The following PNRC2 variants were observed in gnomAD, a reference collection of about 807,000 sequenced individuals.
The protein encoded by PNRC2 is proline-rich nuclear receptor coactivator 2.
A neutral mutation model predicts 12.2 loss-of-function variants in PNRC2; 2 were observed. The observed-to-expected ratio is 0.16, with a 90% confidence interval of 0.07 to 0.52. The LOEUF (loss-of-function observed/expected upper bound fraction) is 0.52. Among genes scored for constraint, PNRC2 ranks in the 20% least tolerant of loss-of-function variants. PNRC2 has a pLI of 0.95. For synonymous variants in PNRC2, 44 were observed against 53.9 expected, an observed-to-expected ratio of 0.82 and a Z score of 0.80; for missense variants, 115 against 158.4, an observed-to-expected ratio of 0.73 and a Z score of 1.47.
chr1:23,961,249 TAAC>T (rs1641270522), intron 2 of PNRC2, 115 bp downstream of exon 2: 1 of 473,148 alleles, frequency 2.1e-6, no homozygotes, highest in Non-Finnish European at 3.8e-6. Context: ...AGGGAAGGTA[TAAC>T]AATAAAGGTT....
rs1266331116 is a variant in PNRC2 at position 23,961,693 on chromosome 1, C to T, written c.236C>T (p.Ser79Leu). Residue 79 changes from serine to leucine, a missense_variant, in exon 3 of 3, where the codon TCA becomes TTA. Ser to Leu is a moderately radical substitution (Grantham distance 145). Transcript: ENST00000334351. ...AATCAAAGTTGGAATTCTAGCTTAT[C>T]AGGTCCCAGGTTACTTTTTAAATCT... ...PNNQSWNSSLSGPRLLFKSQA... is the reference protein window; with the variant it reads ...PNNQSWNSSLLGPRLLFKSQA... 2.5e-6 allele frequency: 4 copies of T among 1,614,026 alleles called. No individual in the cohort carries two copies. Among genetic ancestry groups the T allele is most frequent in the South Asian group, 1.1e-5 (1 of 91,080 alleles).
At position 23,961,587 on chromosome 1, in the gene PNRC2, G is replaced by GA. The variant is rs1641277336; in HGVS notation, c.133dup (p.Arg45LysfsTer6). On this transcript the variant is annotated frameshift_variant, in exon 3 of 3. Transcript: ENST00000334351. LOFTEE classifies it high-confidence loss of function. ...GATGAAGATTGTTCATAAGAAAAAA[G>GA]AAAGAGGACATGGTTATAACTCATC... 1.2e-6 allele frequency: 2 copies of GA among 1,613,900 alleles called. No homozygotes were observed. Among genetic ancestry groups the GA allele is most frequent in the Non-Finnish European group, 1.7e-6 (2 of 1,179,804 alleles).
chr1:23,962,613 G>A lies in PNRC2; in HGVS notation c.*736G>A, dbSNP rs1261669901. The A allele has an allele frequency of 1.3e-4, 22 of 167,166 alleles. No homozygotes were observed. The highest frequency in any genetic ancestry group is 5.3e-4 in the African/African-American group (22 of 41,552). 10.4% of individuals were successfully genotyped at this position (167,166 alleles called of 1,614,324 possible). On this transcript the variant is annotated 3_prime_UTR_variant, in exon 3 of 3. Coordinates refer to ENST00000334351, the MANE Select transcript of PNRC2 (RefSeq NM_017761.4). ...CTTGCTTTGGGGAGTTGGATAATGT[G>A]AAAATTTTAAGTACCTAGGGGAGAA...
chr1:23,960,426 T>G (rs1436891676), intron 1 of PNRC2, among the ~76,000 whole-genome samples: 1 of 152,144 alleles, frequency 6.6e-6, no homozygotes. Flanking sequence ...TTAGGGCTTG[T>G]GAGAACTTAT....
In PNRC2 at chr1:23,962,214, G is replaced by C. The variant is rs1336575423; in HGVS notation, c.*337G>C. ...TGAAAGTTGGTGAATCGGATTATAA[G>C]CTTCTAGCTAACACAAGGATTCAGA... On this transcript the variant is annotated 3_prime_UTR_variant, in exon 3 of 3. Coordinates refer to ENST00000334351, the MANE Select transcript of PNRC2 (RefSeq NM_017761.4). 1 of 200,670 alleles carries C rather than the reference G, an allele frequency of 5.0e-6. No individual in the cohort carries two copies. The highest frequency in any genetic ancestry group is 2.4e-5 in the African/African-American group (1 of 42,220). 12.4% of individuals were successfully genotyped at this position (200,670 alleles called of 1,614,324 possible).
Position 23,960,952 on chromosome 1 carries a change from T to G in PNRC2, c.-201T>G, listed in dbSNP as rs1641266410. On this transcript the variant is annotated 5_prime_UTR_variant, in exon 2 of 3. Coordinates refer to ENST00000334351, the MANE Select transcript of PNRC2 (RefSeq NM_017761.4). ...AGCTAGGACTTCTCTCAAACTTGTG[T>G]GCTGAGGAGACTCAGATGTTGGCCT... 2 of 399,240 alleles carry G rather than the reference T, an allele frequency of 5.0e-6. No homozygotes were observed. Among genetic ancestry groups the G allele is most frequent in the South Asian group, 2.5e-4 (2 of 7,880 alleles). 24.7% of individuals were successfully genotyped at this position (399,240 alleles called of 1,614,324 possible). A position where few individuals can be genotyped will look rare whatever the true frequency, so the allele number is the denominator to read the frequency against.
Position 23,963,077 on chromosome 1 carries a change from G to A in PNRC2, c.*1200G>A, listed in dbSNP as rs1641311510. The A allele has an allele frequency of 6.0e-6, 1 of 166,936 alleles. No individual in the cohort carries two copies. The highest frequency in any genetic ancestry group is 2.1e-4 in the South Asian group (1 of 4,828). The allele number at this position is 166,936 out of a possible 1,614,324, so 10.3% of individuals were successfully genotyped here. A position where few individuals can be genotyped will look rare whatever the true frequency, so the allele number is the denominator to read the frequency against. ...AGGTAGTTTCGAGTATGGTGCCAGT[G>A]ATGTTTTGTTTTTGTTTGGTCAAGG... On this transcript the variant is annotated 3_prime_UTR_variant, in exon 3 of 3. Transcript: ENST00000334351.
intron 1 of PNRC2, 140 bp downstream of exon 1, chr1:23,960,138 C>T (rs886755303): frequency 6.6e-6 from 1 of 152,218 alleles, no homozygotes; most frequent in African/African-American, 2.4e-5. Context: ...GCCGCGACCC[C>T]TGCGGCTCCG....
Position 23,961,706 on chromosome 1 carries a change from A to G in PNRC2, c.249A>G (p.Leu83=), listed in dbSNP as rs2148487865. The G allele has an allele frequency of 2.5e-6, 4 of 1,614,008 alleles. No individual in the cohort carries two copies. The highest frequency in any genetic ancestry group is 3.4e-6 in the Non-Finnish European group (4 of 1,179,866). ...SWNSSLSGPR[L]LFKSQANQNY... ...ATTCTAGCTTATCAGGTCCCAGGTT[A>G]CTTTTTAAATCTCAAGCTAATCAGA... is the stretch of plus-strand genomic sequence containing the variant. Residue 83 remains leucine (L), a synonymous_variant, in exon 3 of 3, where the codon TTA becomes TTG. Transcript: ENST00000334351.
chr1:23,959,249 A>C (rs1570749801), upstream of PNRC2: 1 of 152,226 alleles, frequency 6.6e-6, no homozygotes, highest in Admixed American at 6.5e-5. Context: ...CAGGGAGGCA[A>C]CTTTTGAGTA....
At position 23,961,675 on chromosome 1, in the gene PNRC2, G is replaced by A; in HGVS notation, c.218G>A (p.Ser73Asn). Residue 73 changes from serine (S) to asparagine (N), a missense_variant, in exon 3 of 3, where the codon AGT (serine) becomes AAT (asparagine). Coordinates refer to ENST00000334351, the MANE Select transcript of PNRC2 (RefSeq NM_017761.4). ...AACAAAAATTTTCCAAATAATCAAA[G>A]TTGGAATTCTAGCTTATCAGGTCCC... ...GKNKNFPNNQ[S>N]WNSSLSGPRL... 3.1e-6 allele frequency: 5 copies of A among 1,613,926 alleles called. No homozygotes were observed. In the South Asian group the frequency reaches 4.4e-5, roughly 14 times the overall value.
At chr1:23,959,185 G>A (rs917433436), upstream of PNRC2, 15 of 152,390 alleles carry the variant, frequency 9.8e-5, no homozygotes, top group African/African-American at 3.6e-4. Context: ...AGGACCAATG[G>A]GGCCACCAAG....
rs111991512 is a variant in PNRC2 at position 23,963,356 on chromosome 1, T to A, written c.*1479T>A. The stretch of plus-strand genomic sequence containing the variant: ...GATGAAGTACTGCCCAAGTTAAATA[T>A]TGATAGCCTAAAGACAAGTTTATGT... On this transcript the variant is annotated 3_prime_UTR_variant, in exon 3 of 3. Transcript: ENST00000334351. 1 of 166,916 alleles carries A rather than the reference T, an allele frequency of 6.0e-6. No homozygotes were observed. Among genetic ancestry groups the A allele is most frequent in the Non-Finnish European group, 1.5e-5 (1 of 68,026 alleles). The allele number at this position is 166,916 out of a possible 1,614,324, so 10.3% of individuals were successfully genotyped here.
At chr1:23,960,204 C>G (rs991447795) in intron 1 of PNRC2, among the ~76,000 whole-genome samples, 7 of 152,298 alleles carry the variant, frequency 4.6e-5, no homozygotes, top group East Asian at 3.9e-4. Context: ...AGGCGTTTTC[C>G]GGGTTCGAGT....
At position 23,962,760 on chromosome 1, in the gene PNRC2, A is replaced by G. The variant is rs1641305343; in HGVS notation, c.*883A>G. The G allele has an allele frequency of 6.0e-6, 1 of 166,982 alleles. No homozygotes were observed. The highest frequency in any genetic ancestry group is 2.4e-5 in the African/African-American group (1 of 41,426). The allele number at this position is 166,982 out of a possible 1,614,324, so 10.3% of individuals were successfully genotyped here. On this transcript the variant is annotated 3_prime_UTR_variant, in exon 3 of 3. Transcript: ENST00000334351. ...AATGTAAGACCGTGGACTGTTTTTT[A>G]TAATATGGCCTAATTTTAAAGGTCC...
Position 23,962,025 on chromosome 1 carries a change from G to A in PNRC2, c.*148G>A, listed in dbSNP as rs1437710314. 4.1e-5 allele frequency: 23 copies of A among 563,652 alleles called. No homozygotes were observed. Among genetic ancestry groups the A allele is most frequent in the Non-Finnish European group, 6.5e-5 (21 of 321,076 alleles). 34.9% of individuals were successfully genotyped at this position (563,652 alleles called of 1,614,324 possible). The stretch of plus-strand genomic sequence containing the variant: ...TTGTGTGCACTGTGATATAATGGTA[G>A]TATCAGTGCAACTTAAACTAATGAT... On this transcript the variant is annotated 3_prime_UTR_variant, in exon 3 of 3. Coordinates refer to ENST00000334351, the MANE Select transcript of PNRC2 (RefSeq NM_017761.4).
In PNRC2 at chr1:23,961,423, T is replaced by C. The variant is rs1641274922; in HGVS notation, c.-18-17T>C. On this transcript the variant is annotated splice_polypyrimidine_tract_variant and intron_variant, in intron 2 of 2. Transcript: ENST00000334351. ...TTAATGGAATTTTACTCAATATTTG[T>C]TTCCATTCACTTGTAGGTGACAAAG... 2.7e-5 allele frequency: 41 copies of C among 1,511,190 alleles called. No individual in the cohort carries two copies. The South Asian group carries it at 5.1e-4, about 19-fold the overall frequency. 93.6% of individuals were successfully genotyped at this position (1,511,190 alleles called of 1,614,324 possible).
Position 23,961,745 on chromosome 1 carries a change from C to CA in PNRC2, c.291dup (p.Phe98IlefsTer2). 1 of 1,613,968 alleles carries CA rather than the reference C, an allele frequency of 6.2e-7. No individual in the cohort carries two copies. Among genetic ancestry groups the CA allele is most frequent in the Non-Finnish European group, 8.5e-7 (1 of 1,179,848 alleles). ...AAGCTAATCAGAACTATGCTGGTGC[C>CA]AAATTTAGTGAGCCGCCATCACCAA... On this transcript the variant is annotated frameshift_variant, in exon 3 of 3. Transcript: ENST00000334351. LOFTEE classifies it high-confidence loss of function.
intron 1 of PNRC2, among the ~76,000 whole-genome samples, chr1:23,960,349 A>G (rs1272860502): frequency 6.6e-6 from 1 of 152,264 alleles, no homozygotes; most frequent in East Asian, 1.9e-4. Context: ...AATTAAAACC[A>G]AACCTTGAAA....
Sources: gnomAD v4.1 joint callset for allele counts (sites outside exome capture counted in the v4.1 genomes callset) on GRCh38, gnomAD v4.1.1 for gene constraint, MANE v1.5 for transcripts, NCBI Gene and HGNC (gene_info 2026-07-23, HGNC 2026-07-21) for gene names.